Variants in RORA observed in about 807,000 individuals in gnomAD.
RORA encodes the protein RAR related orphan receptor A.
A neutral mutation model predicts 69.5 loss-of-function variants in RORA; 7 were observed. That is an observed-to-expected ratio of 0.10 (90% CI 0.06 to 0.19). RORA has a LOEUF of 0.19. Among genes scored for constraint, RORA ranks in the 10% least tolerant of loss-of-function variants. The probability of loss-of-function intolerance (pLI) is 1.00; values close to 1 mark genes in which losing one functional copy is unlikely to be tolerated. For missense variants in RORA, 457 were observed against 663.0 expected, an observed-to-expected ratio of 0.69 and a Z score of 3.41; for synonymous variants, 261 against 240.8, an observed-to-expected ratio of 1.08 and a Z score of -0.78.
At chr15:60,673,125 T>C (rs934012778) in intron 2 of RORA, among the ~76,000 whole-genome samples, 11 of 152,234 alleles carry the variant, frequency 7.2e-5, no homozygotes, top group African/African-American at 2.7e-4. Flanking sequence ...GGAATACAAA[T>C]ACTTTTTGTC....
chr15:60,887,925 A>T (rs1321423447), intron 1 of RORA, among the ~76,000 whole-genome samples: 1 of 152,218 alleles, frequency 6.6e-6, no homozygotes, highest in Admixed American at 6.5e-5. Context: ...CAATATGGGC[A>T]TCTAAGAAGC....
intron 1 of RORA, among the ~76,000 whole-genome samples, chr15:60,853,063 C>G (rs1053243335): frequency 6.6e-6 from 1 of 152,108 alleles, no homozygotes; most frequent in Admixed American, 6.5e-5. Flanking sequence ...TCCTTTATAA[C>G]GAGAGCCAGC....
chr15:60,623,133 G>A (rs567788187), intron 2 of RORA, among the ~76,000 whole-genome samples: 1 of 152,074 alleles, frequency 6.6e-6, no homozygotes, highest in South Asian at 2.1e-4. Flanking sequence ...TTTTTTCCCT[G>A]AAACCTTGAA....
At chr15:61,142,475 T>C (rs892870600) in intron 1 of RORA, among the ~76,000 whole-genome samples, 3 of 152,192 alleles carry the variant, frequency 2.0e-5, no homozygotes, top group Non-Finnish European at 4.4e-5. Flanking sequence ...AATATTTAAA[T>C]ATGTTTTCAG....
chr15:60,976,051 T>G (rs954976475), intron 1 of RORA, among the ~76,000 whole-genome samples: 2 of 152,242 alleles, frequency 1.3e-5, no homozygotes, highest in Admixed American at 6.5e-5. Context: ...TAACTTCTCT[T>G]GCTTTAAGGT....
At chr15:61,206,639 G>A (rs912609719) in intron 1 of RORA, among the ~76,000 whole-genome samples, 5 of 152,000 alleles carry the variant, frequency 3.3e-5, no homozygotes, top group African/African-American at 7.3e-5. Flanking sequence ...TTTCCTTCCC[G>A]ATGGAGAGAA....
chr15:60,533,374 T>C (rs2066584820), intron 2 of RORA, among the ~76,000 whole-genome samples: 1 of 152,176 alleles, frequency 6.6e-6, no homozygotes, highest in Admixed American at 6.5e-5. Context: ...TAGGTATAGT[T>C]TGAGTTAAGC....
At position 60,779,115 on chromosome 15, in the gene RORA, G is replaced by A. The variant is rs146232840; in HGVS notation, c.167-100429C>T. On this transcript the variant is annotated intron_variant, in intron 1 of 10. Transcript: ENST00000335670. ...AGCGAGCATAAATAACTCGTTTCAAGCCTAAATTGGACTTCTAGTCAGTAA... is the reference window on the plus strand; with the variant it reads ...AGCGAGCATAAATAACTCGTTTCAAACCTAAATTGGACTTCTAGTCAGTAA... Among the ~76,000 whole-genome samples the A allele has an allele frequency of 8.1e-4, 124 of 152,266 alleles. 3 individuals carry two copies. In the East Asian group the frequency reaches 0.022, roughly 27 times the overall value.
intron 1 of RORA, among the ~76,000 whole-genome samples, chr15:60,876,022 A>C (rs2073609909): frequency 6.6e-6 from 1 of 152,198 alleles, no homozygotes; most frequent in Non-Finnish European, 1.5e-5. Flanking sequence ...ACAGTTGTTC[A>C]GCGTATTTAA....
At chr15:60,703,376 C>T (rs976031689) in intron 1 of RORA, among the ~76,000 whole-genome samples, 6 of 152,178 alleles carry the variant, frequency 3.9e-5, no homozygotes, top group African/African-American at 1.4e-4. Context: ...AGATGTGTTA[C>T]AGAAAATTGC....
intron 2 of RORA, among the ~76,000 whole-genome samples, chr15:60,643,118 C>T (rs2069974198): frequency 6.6e-6 from 1 of 152,222 alleles, no homozygotes; most frequent in Non-Finnish European, 1.5e-5. Context: ...GATTGCGCCA[C>T]TGCACTCCAT....
chr15:60,920,643 C>T (rs1248755738), intron 1 of RORA, among the ~76,000 whole-genome samples: 3 of 152,156 alleles, frequency 2.0e-5, no homozygotes, highest in Admixed American at 6.5e-5. Flanking sequence ...TAGTTAACAG[C>T]GAGCTATTAC....
At chr15:60,867,252 TGAG>T (rs1397315328) in intron 1 of RORA, among the ~76,000 whole-genome samples, 1 of 152,170 alleles carries the variant, frequency 6.6e-6, no homozygotes, top group Non-Finnish European at 1.5e-5. Context: ...TGACTGAGCC[TGAG>T]GAGGGGTACT....
chr15:60,592,684 C>T, intron 2 of RORA: 37 of 1,060,196 alleles, frequency 3.5e-5, no homozygotes, highest in Non-Finnish European at 4.1e-5. Context: ...CGCCGCGCCC[C>T]GCCCCGCCCC....
chr15:60,852,150 A>G (rs185374862), intron 1 of RORA, among the ~76,000 whole-genome samples: 15 of 152,342 alleles, frequency 9.8e-5, no homozygotes, highest in Non-Finnish European at 1.8e-4. Context: ...TGATTCAGCC[A>G]GAAGAGCATC....
intron 1 of RORA, among the ~76,000 whole-genome samples, chr15:61,197,246 T>C (rs1486863433): frequency 6.6e-6 from 1 of 152,200 alleles, no homozygotes; most frequent in African/African-American, 2.4e-5. Flanking sequence ...TTAGGGGGCC[T>C]AATGTAGTTT....
chr15:61,032,167 T>C (rs1485824932), intron 1 of RORA, among the ~76,000 whole-genome samples: 1 of 152,196 alleles, frequency 6.6e-6, no homozygotes, highest in African/African-American at 2.4e-5. Flanking sequence ...TACTTGAAAT[T>C]ACGTAGGATT....
At chr15:61,118,757 AT>A (rs996388834) in intron 1 of RORA, among the ~76,000 whole-genome samples, 108 of 150,388 alleles carry the variant, frequency 7.2e-4, no homozygotes, top group African/African-American at 2.1e-3. Flanking sequence ...AGGAGGAATG[AT>A]TTTTTTTTTC....
intron 1 of RORA, among the ~76,000 whole-genome samples, chr15:60,937,906 T>A (rs4775322): frequency 0.16 from 23,609 of 152,144 alleles, 1,950 homozygotes; most frequent in Admixed American, 0.2. Flanking sequence ...GAGCACAATA[T>A]CAGTGATAAT....
Sources: allele counts gnomAD v4.1 joint callset (sites outside exome capture counted in the v4.1 genomes callset), GRCh38; gene constraint gnomAD v4.1.1; transcripts MANE v1.5; gene names NCBI Gene and HGNC (gene_info 2026-07-23, HGNC 2026-07-21).